The following TSC22D1 variants were observed in gnomAD, a reference collection of about 807,000 sequenced individuals.
TSC22D1 encodes the protein TSC22 domain family member 1, also known as TSC22 domain family protein 1.
Under a neutral mutation model 74.2 loss-of-function variants are expected in TSC22D1, and 9 were observed. That is an observed-to-expected ratio of 0.12 (90% CI 0.07 to 0.21). TSC22D1 has a LOEUF of 0.21. Ranked by LOEUF, TSC22D1 falls within the 10% of genes least tolerant of loss-of-function variation. The pLI is 1.00. For synonymous variants in TSC22D1, 586 were observed against 492.5 expected, an observed-to-expected ratio of 1.19 and a Z score of -2.51; for missense variants, 1,427 against 1,304.7, an observed-to-expected ratio of 1.09 and a Z score of -1.44.
chr13:44,463,405 T>C lies in TSC22D1; in HGVS notation c.2913-27310A>G, dbSNP rs1379122599. On this transcript the variant is annotated intron_variant, in intron 1 of 2. Coordinates refer to ENST00000458659, the MANE Select transcript of TSC22D1 (RefSeq NM_183422.4). ...TTCAGTCTATCCAGAATTATAGAAATAGCAGTTCTAGCTAAACTGCAGTTT... is the reference window on the plus strand; with the variant it reads ...TTCAGTCTATCCAGAATTATAGAAACAGCAGTTCTAGCTAAACTGCAGTTT... Among the ~76,000 whole-genome samples the C allele has an allele frequency of 4.6e-5, 7 of 152,206 alleles. No homozygotes were observed. The East Asian group carries it at 1.3e-3, about 29-fold the overall frequency.
At chr13:44,572,210 C>G (rs534945282) in intron 1 of TSC22D1, among the ~76,000 whole-genome samples, 2 of 152,208 alleles carry the variant, frequency 1.3e-5, no homozygotes, top group East Asian at 3.9e-4. Flanking sequence ...CTTTAAAAAT[C>G]AACATGAAAG....
At chr13:44,499,380 CTAGAGA>C (rs1879120973) in intron 1 of TSC22D1, among the ~76,000 whole-genome samples, 1 of 152,126 alleles carries the variant, frequency 6.6e-6, no homozygotes, top group African/African-American at 2.4e-5. Flanking sequence ...TCCTTGATGA[CTAGAGA>C]TAAATTAATA....
intron 1 of TSC22D1, chr13:44,474,322 A>C (rs1877773644): frequency 1.0e-6 from 1 of 978,402 alleles, no homozygotes. Context: ...CCTGGTGGAC[A>C]AACAAGTGCT....
intron 1 of TSC22D1, among the ~76,000 whole-genome samples, chr13:44,480,127 G>C (rs1372400652): frequency 6.6e-6 from 1 of 152,100 alleles, no homozygotes; most frequent in African/African-American, 2.4e-5. Flanking sequence ...TGTATAAGAT[G>C]TGTACAAGTT....
chr13:44,547,933 G>C (rs948933651), intron 1 of TSC22D1, among the ~76,000 whole-genome samples: 2 of 152,152 alleles, frequency 1.3e-5, no homozygotes, highest in African/African-American at 4.8e-5. Context: ...GGAACTACAG[G>C]AACTTGCCAC....
intron 1 of TSC22D1, among the ~76,000 whole-genome samples, chr13:44,493,462 G>C (rs1227348540): frequency 1.3e-5 from 2 of 152,164 alleles, no homozygotes; most frequent in Non-Finnish European, 2.9e-5. Flanking sequence ...AAAGGCAAAT[G>C]AACAAACCAC....
intron 1 of TSC22D1, among the ~76,000 whole-genome samples, chr13:44,451,800 T>A (rs1246248868): frequency 2.6e-5 from 4 of 152,154 alleles, no homozygotes; most frequent in African/African-American, 9.7e-5. Context: ...CAGTGAGCTA[T>A]AGGGGGCACA....
chr13:44,571,755 T>C (rs964550205), intron 1 of TSC22D1, among the ~76,000 whole-genome samples: 14 of 152,172 alleles, frequency 9.2e-5, no homozygotes, highest in Non-Finnish European at 1.6e-4. Flanking sequence ...GTTTATCTTT[T>C]AGAGTACAGT....
rs1874375570 is a variant in TSC22D1, at chr13:44,434,664, C to CA, written c.3183_3184insT (p.Ala1062CysfsTer53). On this transcript the variant is annotated frameshift_variant, in exon 3 of 3. Transcript: ENST00000458659. LOFTEE classifies it high-confidence loss of function. Reference sequence around the variant, plus strand: ...CCTGAGCCCTGCGATGCTGGCTGGGCGGGGGGCTGTGTGGTGCCCTGTGGC... The same window carrying CA: ...CCTGAGCCCTGCGATGCTGGCTGGGCAGGGGGGCTGTGTGGTGCCCTGTGGC... The CA allele has an allele frequency of 6.3e-7, 1 of 1,593,842 alleles. No individual in the cohort carries two copies. The highest frequency in any genetic ancestry group is 1.3e-5 in the African/African-American group (1 of 74,356).
At chr13:44,533,376 C>T (rs564837199) in intron 1 of TSC22D1, among the ~76,000 whole-genome samples, 25 of 151,492 alleles carry the variant, frequency 1.7e-4, no homozygotes, top group African/African-American at 5.3e-4. Context: ...GCGAGAACCA[C>T]TTGAACCCAG....
At chr13:44,486,168 T>C (rs9533873) in intron 1 of TSC22D1, among the ~76,000 whole-genome samples, 13,962 of 151,824 alleles carry the variant, frequency 0.092, 804 homozygotes, top group Non-Finnish European at 0.13. Context: ...ATAATCACAA[T>C]AAATATAAAC....
intron 1 of TSC22D1, among the ~76,000 whole-genome samples, chr13:44,570,569 T>C (rs1026828418): frequency 5.3e-5 from 8 of 152,312 alleles, no homozygotes; most frequent in South Asian, 2.1e-4. Flanking sequence ...TCCATGTTTA[T>C]AGTCTCTCCC....
intron 1 of TSC22D1, 150 bp downstream of exon 1, chr13:44,573,013 C>A: frequency 9.1e-7 from 1 of 1,096,218 alleles, no homozygotes; most frequent in Non-Finnish European, 1.3e-6. Flanking sequence ...TTCCATAACT[C>A]TTGCTCTATA....
intron 1 of TSC22D1, among the ~76,000 whole-genome samples, chr13:44,536,360 C>T (rs1040133690): frequency 1.3e-5 from 2 of 151,866 alleles, no homozygotes; most frequent in Non-Finnish European, 3.0e-5. Context: ...TGCTTCTAAG[C>T]AAATCCTGCA....
At chr13:44,461,833 A>G (rs1877012801) in intron 1 of TSC22D1, among the ~76,000 whole-genome samples, 1 of 152,226 alleles carries the variant, frequency 6.6e-6, no homozygotes, top group African/African-American at 2.4e-5. Context: ...TGGCCAGTTC[A>G]ACCTAACTAG....
chr13:44,532,377 A>G (rs912443301), intron 1 of TSC22D1, among the ~76,000 whole-genome samples: 1 of 152,350 alleles, frequency 6.6e-6, no homozygotes. Context: ...CAAAGGTAAC[A>G]TAAGGTCACG....
At chr13:44,523,470 CA>C (rs1179918751) in intron 1 of TSC22D1, among the ~76,000 whole-genome samples, 2 of 152,008 alleles carry the variant, frequency 1.3e-5, no homozygotes, top group Admixed American at 6.6e-5. Context: ...TCCCAAGTCA[CA>C]AAAAGACATG....
At chr13:44,487,498 C>CAAAAAAAAAAAAAAAAAAAAA (rs61034237) in intron 1 of TSC22D1, among the ~76,000 whole-genome samples, 2 of 23,454 alleles carry the variant, frequency 8.5e-5, no homozygotes, top group African/African-American at 2.2e-4. Flanking sequence ...GACTCCATCT[C>CAAAAAAAAAAAAAAAAAAAAA]AAAAAAAAAA....
At chr13:44,442,498 C>A (rs982914892) in intron 1 of TSC22D1, among the ~76,000 whole-genome samples, 1 of 151,872 alleles carries the variant, frequency 6.6e-6, no homozygotes, top group African/African-American at 2.4e-5. Flanking sequence ...GTGAAAAATA[C>A]AATATTTGAG....
Sources: allele counts gnomAD v4.1 joint callset (sites outside exome capture counted in the v4.1 genomes callset), GRCh38; gene constraint gnomAD v4.1.1; transcripts MANE v1.5; gene names NCBI Gene and HGNC (gene_info 2026-07-23, HGNC 2026-07-21).